Variants in RBM47 observed in about 807,000 individuals in gnomAD.
RBM47 encodes the protein RNA-binding protein 47.
In RBM47, 21 loss-of-function variants were observed where a neutral mutation model predicts 47.1. That is an observed-to-expected ratio of 0.45 (90% CI 0.32 to 0.64). The LOEUF (loss-of-function observed/expected upper bound fraction) is 0.64, where lower values mean the gene tolerates loss of function less well. Ranked by LOEUF, RBM47 falls within the 30% of genes least tolerant of loss-of-function variation. The probability of loss-of-function intolerance (pLI) is 0.05; values close to 1 mark genes in which losing one functional copy is unlikely to be tolerated. For missense variants in RBM47, 708 were observed against 870.9 expected, an observed-to-expected ratio of 0.81 and a Z score of 2.35; for synonymous variants, 375 against 361.7, an observed-to-expected ratio of 1.04 and a Z score of -0.42.
At chr4:40,530,050 C>T (rs1007148569) in intron 2 of RBM47, among the ~76,000 whole-genome samples, 3 of 145,068 alleles carry the variant, frequency 2.1e-5, no homozygotes, top group Admixed American at 1.4e-4. Context: ...ATTCTCCTGG[C>T]TCAGCCTCCC....
At chr4:40,558,524 CAA>C (rs1198741417) in intron 1 of RBM47, among the ~76,000 whole-genome samples, 210 of 92,628 alleles carry the variant, frequency 2.3e-3, no homozygotes, top group African/African-American at 6.4e-3. Flanking sequence ...ATTAAAACTA[CAA>C]AAAAAAAAAA....
At chr4:40,557,156 A>C (rs978806592) in intron 1 of RBM47, among the ~76,000 whole-genome samples, 6 of 152,178 alleles carry the variant, frequency 3.9e-5, no homozygotes, top group Non-Finnish European at 8.8e-5. Context: ...TACTTGGCTA[A>C]GTCCTTGGGG....
intron 3 of RBM47, chr4:40,455,655 T>A (rs1577676249): frequency 6.6e-6 from 1 of 151,912 alleles, no homozygotes; most frequent in East Asian, 1.9e-4. Flanking sequence ...GAGGCGGAGG[T>A]GGGAGGATTG....
chr4:40,616,368 GA>G (rs56280844), intron 1 of RBM47, among the ~76,000 whole-genome samples: 17,541 of 140,946 alleles, frequency 0.12, 1,202 homozygotes, highest in East Asian at 0.22. Context: ...AAAAAAAAAA[GA>G]AAAAAAAAAA....
intron 3 of RBM47, among the ~76,000 whole-genome samples, chr4:40,456,571 C>CTTTTTTTTTTTTTTTT (rs34320480): frequency 8.9e-6 from 1 of 112,578 alleles, no homozygotes; most frequent in Non-Finnish European, 1.7e-5. Flanking sequence ...TTTCTTTTTT[C>CTTTTTTTTTTTTTTTT]TTTTTTTTTT....
intron 2 of RBM47, among the ~76,000 whole-genome samples, chr4:40,475,121 C>T (rs1577727801): frequency 6.6e-6 from 1 of 152,194 alleles, no homozygotes. Context: ...CTAAATAATT[C>T]CATTTCATAA....
At position 40,437,961 on chromosome 4, in the gene RBM47, C is replaced by A; in HGVS notation, c.933G>T (p.Leu311=). ...LNGTELEGSC[L]EVTLAKPVDK... ...CCACGGGCTTGGCCAGCGTGACCTC[C>A]AGGCACGAGCCCTCCAGCTCAGTGC... is the stretch of plus-strand genomic sequence containing the variant. The change falls in exon 4 of 7, where the codon CTG becomes CTT. Residue 311 remains leucine (L), a synonymous_variant. Transcript: ENST00000295971. The A allele has an allele frequency of 6.2e-7, 1 of 1,613,506 alleles. No homozygotes were observed. The highest frequency in any genetic ancestry group is 8.5e-7 in the Non-Finnish European group (1 of 1,179,940).
At chr4:40,530,021 C>T (rs1388941870) in intron 2 of RBM47, among the ~76,000 whole-genome samples, 9 of 139,164 alleles carry the variant, frequency 6.5e-5, no homozygotes, top group Non-Finnish European at 1.3e-4. Flanking sequence ...CTGCAACCTC[C>T]GCTTCCCGGG....
intron 2 of RBM47, among the ~76,000 whole-genome samples, chr4:40,504,440 G>A (rs538480141): frequency 2.0e-5 from 3 of 151,948 alleles, no homozygotes; most frequent in South Asian, 2.1e-4. Flanking sequence ...ACAGGTGCCC[G>A]CCACCACACC....
At chr4:40,623,337 T>C (rs1737441279) in intron 1 of RBM47, among the ~76,000 whole-genome samples, 1 of 152,228 alleles carries the variant, frequency 6.6e-6, no homozygotes, top group African/African-American at 2.4e-5. Flanking sequence ...GCAAATAGGA[T>C]TTCACTAGAG....
At chr4:40,513,084 A>G (rs1270200986) in intron 2 of RBM47, among the ~76,000 whole-genome samples, 1 of 152,216 alleles carries the variant, frequency 6.6e-6, no homozygotes, top group Non-Finnish European at 1.5e-5. Flanking sequence ...TTTAACCTCT[A>G]CAATTGTTAG....
chr4:40,614,426 C>G (rs1265027954), intron 1 of RBM47, among the ~76,000 whole-genome samples: 1 of 152,172 alleles, frequency 6.6e-6, no homozygotes, highest in Non-Finnish European at 1.5e-5. Context: ...AGGAGAAGGG[C>G]CATGGCCAGG....
rs111923109 is a variant in RBM47, at chr4:40,508,512, T to C, written c.-155+35910A>G. ...GGTCTGTTCTTACAAAGGAATACTA[T>C]GCAGCAACAACAGGATAAATTATAA... is the stretch of plus-strand genomic sequence containing the variant. On this transcript the variant is annotated intron_variant, in intron 2 of 6. Transcript: ENST00000295971. Among the ~76,000 whole-genome samples the C allele has an allele frequency of 1.7e-3, 256 of 152,340 alleles. 7 individuals carry two copies. Among genetic ancestry groups the C allele is most frequent in the African/African-American group, 5.7e-3 (238 of 41,580 alleles).
chr4:40,553,877 TCTA>T (rs1475464053), intron 1 of RBM47, among the ~76,000 whole-genome samples: 3 of 152,200 alleles, frequency 2.0e-5, no homozygotes, highest in Non-Finnish European at 2.9e-5. Context: ...GCCAGCAACC[TCTA>T]CTAAGAAGTT....
At chr4:40,584,867 G>GTT (rs112806753) in intron 1 of RBM47, among the ~76,000 whole-genome samples, 1 of 151,112 alleles carries the variant, frequency 6.6e-6, no homozygotes, top group Admixed American at 6.6e-5. Flanking sequence ...TAGATCATGT[G>GTT]TGTTTGTTTG....
At chr4:40,495,108 T>G (rs278988) in intron 2 of RBM47, among the ~76,000 whole-genome samples, 30,023 of 152,042 alleles carry the variant, frequency 0.2, 3,566 homozygotes, top group Non-Finnish European at 0.26. Flanking sequence ...TGCCCAGCCC[T>G]TAAACTATTT....
chr4:40,572,256 G>A (rs1056363956), intron 1 of RBM47, among the ~76,000 whole-genome samples: 3 of 151,238 alleles, frequency 2.0e-5, no homozygotes, highest in African/African-American at 4.9e-5. Flanking sequence ...CGTGGCATCC[G>A]CCTGTAATCC....
At position 40,457,447 on chromosome 4, in the gene RBM47, A is replaced by G. The variant is rs1042779902; in HGVS notation, c.-32+9130T>C. Among the ~76,000 whole-genome samples, 3 of 151,534 alleles carry G rather than the reference A, an allele frequency of 2.0e-5. No homozygotes were observed. The East Asian group carries it at 5.8e-4, about 29-fold the overall frequency. On this transcript the variant is annotated intron_variant, in intron 3 of 6. Transcript: ENST00000295971. ...CAAAAAAAAAAAAAAAACAAAAAAAAGGCATTTTAAAATTTGTGTGTAAAA... is the reference window on the plus strand; with the variant it reads ...CAAAAAAAAAAAAAAAACAAAAAAAGGGCATTTTAAAATTTGTGTGTAAAA...
At chr4:40,619,010 C>T (rs1411455636) in intron 1 of RBM47, among the ~76,000 whole-genome samples, 1 of 151,998 alleles carries the variant, frequency 6.6e-6, no homozygotes, top group South Asian at 2.1e-4. Flanking sequence ...CAGGCCATCA[C>T]CACATCTTGC....
Sources: gnomAD v4.1 joint callset for allele counts (sites outside exome capture counted in the v4.1 genomes callset) on GRCh38, gnomAD v4.1.1 for gene constraint, MANE v1.5 for transcripts, NCBI Gene and HGNC (gene_info 2026-07-23, HGNC 2026-07-21) for gene names.